Variants in LRRC28 observed in about 807,000 individuals in gnomAD.
LRRC28 encodes leucine-rich repeat-containing protein 28.
LRRC28 carries 39 observed loss-of-function variants against 45.7 expected under a neutral mutation model. The observed-to-expected ratio is 0.85, with a 90% CI of 0.66 to 1.12. LRRC28 has a LOEUF of 1.12. LRRC28 is among the 50% of genes most tolerant of loss of function. The probability of loss-of-function intolerance (pLI) is 0.00; values close to 1 mark genes in which losing one functional copy is unlikely to be tolerated. For missense variants in LRRC28, 435 were observed against 438.5 expected, an observed-to-expected ratio of 0.99 and a Z score of 0.07; for synonymous variants, 206 against 178.8, an observed-to-expected ratio of 1.15 and a Z score of -1.22.
chr15:99,370,490 G>A (rs561618311), intron 9 of LRRC28, among the ~76,000 whole-genome samples: 3 of 151,986 alleles, frequency 2.0e-5, no homozygotes, highest in Non-Finnish European at 4.4e-5. Context: ...TGGGAAGGGG[G>A]GAATGTGGAG....
chr15:99,310,332 G>A (rs903875221), intron 5 of LRRC28, among the ~76,000 whole-genome samples: 2 of 152,168 alleles, frequency 1.3e-5, no homozygotes, highest in African/African-American at 4.8e-5. Flanking sequence ...AGGAATGATG[G>A]AATTTTAAAA....
At chr15:99,314,437 C>CTAAATAAATAAA (rs71922869) in intron 5 of LRRC28, among the ~76,000 whole-genome samples, 189 of 127,834 alleles carry the variant, frequency 1.5e-3, no homozygotes, top group South Asian at 3.6e-3. Flanking sequence ...GACCTTGTCT[C>CTAAATAAATAAA]TAAATAAATA....
At chr15:99,307,568 T>G (rs1955231901) in intron 5 of LRRC28, among the ~76,000 whole-genome samples, 1 of 152,218 alleles carries the variant, frequency 6.6e-6, no homozygotes, top group South Asian at 2.1e-4. Context: ...ATGTAAAAGT[T>G]GTTACATATA....
chr15:99,260,012 G>T, intron 2 of LRRC28: 1 of 600,886 alleles, frequency 1.7e-6, no homozygotes, highest in South Asian at 1.8e-5. Flanking sequence ...TGAAAAAGAT[G>T]AATTGTAAAT....
intron 3 of LRRC28, chr15:99,285,306 T>G (rs2152203961): frequency 1.4e-6 from 1 of 739,904 alleles, no homozygotes; most frequent in African/African-American, 1.7e-5. Context: ...GAATCTTCTC[T>G]TGAGACAGCT....
At chr15:99,299,256 C>T (rs2082338891) in intron 5 of LRRC28, among the ~76,000 whole-genome samples, 1 of 152,106 alleles carries the variant, frequency 6.6e-6, no homozygotes, top group Non-Finnish European at 1.5e-5. Flanking sequence ...TTTATAGTTT[C>T]AGCTAATTTT....
chr15:99,307,471 C>T (rs1286776583), intron 5 of LRRC28, among the ~76,000 whole-genome samples: 1 of 152,214 alleles, frequency 6.6e-6, no homozygotes. Context: ...CTATTCCTCT[C>T]CTTTTGAATA....
intron 9 of LRRC28, among the ~76,000 whole-genome samples, chr15:99,385,371 T>G (rs1023982553): frequency 1.3e-5 from 2 of 152,194 alleles, no homozygotes; most frequent in Non-Finnish European, 2.9e-5. Context: ...CAAGAGAGTC[T>G]TCTCCCTCTA....
intron 9 of LRRC28, among the ~76,000 whole-genome samples, chr15:99,376,775 A>G (rs1035956221): frequency 2.0e-5 from 3 of 151,846 alleles, no homozygotes; most frequent in African/African-American, 7.3e-5. Flanking sequence ...ATTCCCACCT[A>G]TGAGTGAGGA....
chr15:99,387,357 G>GC lies in LRRC28; in HGVS notation c.*1258dup, dbSNP rs1199444681. The GC allele has an allele frequency of 1.3e-5, 2 of 152,218 alleles. No individual in the cohort carries two copies. The highest frequency in any genetic ancestry group is 4.8e-5 in the African/African-American group (2 of 41,428). The allele number at this position is 152,218 out of a possible 1,614,324, so 9.4% of individuals were successfully genotyped here. A position where few individuals can be genotyped will look rare whatever the true frequency, so the allele number is the denominator to read the frequency against. On this transcript the variant is annotated 3_prime_UTR_variant, in exon 10 of 10. Transcript: ENST00000301981. ...TTACAGGCGTGAGCCACCGCGCCCGGCCCACTACTGGTTTTTAACAGGATG... is the reference window on the plus strand; with the variant it reads ...TTACAGGCGTGAGCCACCGCGCCCGGCCCCACTACTGGTTTTTAACAGGATG...
intron 8 of LRRC28, 72 bp from the exon 9 acceptor site, chr15:99,363,034 A>G (rs1490017833): frequency 6.7e-7 from 1 of 1,485,936 alleles, no homozygotes; most frequent in Non-Finnish European, 9.0e-7. Flanking sequence ...TTGGTAACAA[A>G]TATTTTAAGA....
intron 7 of LRRC28, among the ~76,000 whole-genome samples, chr15:99,356,488 C>G (rs899901717): frequency 1.3e-5 from 2 of 152,062 alleles, no homozygotes; most frequent in African/African-American, 4.8e-5. Context: ...AGAAATGATC[C>G]AATCTGAAGG....
chr15:99,281,663 A>AT (rs1258045704), intron 3 of LRRC28, among the ~76,000 whole-genome samples: 6 of 152,116 alleles, frequency 3.9e-5, no homozygotes, highest in African/African-American at 1.4e-4. Flanking sequence ...GGACCTTATA[A>AT]AGTTTGCATT....
At chr15:99,332,537 G>T (rs1055150628) in intron 5 of LRRC28, among the ~76,000 whole-genome samples, 6 of 152,144 alleles carry the variant, frequency 3.9e-5, no homozygotes, top group Non-Finnish European at 7.4e-5. Context: ...AACCTTTTCT[G>T]TAAATGGCCA....
chr15:99,268,122 T>C (rs1483710827), intron 2 of LRRC28, among the ~76,000 whole-genome samples: 2 of 152,312 alleles, frequency 1.3e-5, no homozygotes, highest in Non-Finnish European at 2.9e-5. Context: ...TGATAACCTC[T>C]TCCTAGCCTA....
chr15:99,351,355 C>T (rs1400471575), intron 6 of LRRC28, among the ~76,000 whole-genome samples: 2 of 152,192 alleles, frequency 1.3e-5, no homozygotes, highest in Non-Finnish European at 2.9e-5. Flanking sequence ...GATCCTCTTC[C>T]ATTCTTTGCC....
At chr15:99,309,024 GAT>G (rs1955298727) in intron 5 of LRRC28, among the ~76,000 whole-genome samples, 1 of 152,160 alleles carries the variant, frequency 6.6e-6, no homozygotes, top group South Asian at 2.1e-4. Context: ...CTCAGCTTTA[GAT>G]ATATAAACTT....
At chr15:99,257,388 A>G (rs1485554202) in intron 2 of LRRC28, among the ~76,000 whole-genome samples, 2 of 152,250 alleles carry the variant, frequency 1.3e-5, no homozygotes, top group African/African-American at 2.4e-5. Context: ...GACAAGGATT[A>G]TAGCCTAGAT....
At chr15:99,291,868 G>T (rs557956124) in intron 5 of LRRC28, among the ~76,000 whole-genome samples, 187 of 152,222 alleles carry the variant, frequency 1.2e-3, no homozygotes, top group African/African-American at 4.3e-3. Context: ...CATCATAGTG[G>T]GTGTGAAGTA....
Sources: allele counts gnomAD v4.1 joint callset (sites outside exome capture counted in the v4.1 genomes callset), GRCh38; gene constraint gnomAD v4.1.1; transcripts MANE v1.5; gene names NCBI Gene and HGNC (gene_info 2026-07-23, HGNC 2026-07-21).